The following MLIP variants were observed in gnomAD, a reference collection of about 807,000 sequenced individuals.
MLIP encodes muscular LMNA-interacting protein.
MLIP carries 79 observed loss-of-function variants against 84.8 expected under a neutral mutation model. That is an observed-to-expected ratio of 0.93 (90% confidence interval 0.78 to 1.12). The LOEUF (loss-of-function observed/expected upper bound fraction) is 1.12, where lower values mean the gene tolerates loss of function less well. MLIP is among the 50% of genes most tolerant of loss of function. MLIP has a pLI of 0.00. For synonymous variants in MLIP, 504 were observed against 463.0 expected, an observed-to-expected ratio of 1.09 and a Z score of -1.14; for missense variants, 1,257 against 1,160.6, an observed-to-expected ratio of 1.08 and a Z score of -1.21.
At chr6:54,063,179 A>G (rs1038455379) in intron 1 of MLIP, 2 of 151,612 alleles carry the variant, frequency 1.3e-5, no homozygotes, top group Admixed American at 1.3e-4. Context: ...TCCAGCCTGG[A>G]CAACAAGAAC....
At chr6:54,036,443 G>A (rs1275968547) in intron 1 of MLIP, among the ~76,000 whole-genome samples, 1 of 151,928 alleles carries the variant, frequency 6.6e-6, no homozygotes, top group African/African-American at 2.4e-5. Flanking sequence ...TTGTAGAGTA[G>A]TCTAAGCTGC....
At chr6:54,167,853 C>G (rs188317304) in intron 8 of MLIP, among the ~76,000 whole-genome samples, 1 of 151,784 alleles carries the variant, frequency 6.6e-6, no homozygotes, top group Non-Finnish European at 1.5e-5. Flanking sequence ...GTCACTCTTA[C>G]TCCTAGGGGC....
chr6:54,076,797 T>C (rs987673273), intron 1 of MLIP, among the ~76,000 whole-genome samples: 4 of 152,200 alleles, frequency 2.6e-5, no homozygotes, highest in African/African-American at 9.7e-5. Flanking sequence ...GACGGGTTGG[T>C]ATTGTTTCTA....
chr6:54,237,678 T>TAAAA (rs572232087), intron 12 of MLIP, among the ~76,000 whole-genome samples: 1 of 116,454 alleles, frequency 8.6e-6, no homozygotes, highest in African/African-American at 3.1e-5. Context: ...AGACTGTCTC[T>TAAAA]AAAAAAAAAA....
At chr6:54,207,949 C>A (rs145547257) in intron 11 of MLIP, among the ~76,000 whole-genome samples, 2 of 152,070 alleles carry the variant, frequency 1.3e-5, no homozygotes, top group Admixed American at 1.3e-4. Context: ...CACGGTGAAA[C>A]CCCGTCTCTA....
chr6:54,122,897 C>T (rs545098328), intron 2 of MLIP, among the ~76,000 whole-genome samples: 26 of 151,732 alleles, frequency 1.7e-4, no homozygotes, highest in Non-Finnish European at 3.5e-4. Context: ...TTAGACAGTT[C>T]AACATTAAAA....
intron 1 of MLIP, among the ~76,000 whole-genome samples, chr6:54,032,213 G>A (rs1358536910): frequency 3.3e-5 from 5 of 152,066 alleles, no homozygotes; most frequent in African/African-American, 1.2e-4. Flanking sequence ...TGAAAATTAA[G>A]TAATATAAAA....
At chr6:54,239,662 C>T (rs188899630) in intron 12 of MLIP, among the ~76,000 whole-genome samples, 47 of 151,366 alleles carry the variant, frequency 3.1e-4, no homozygotes, top group Middle Eastern at 3.4e-3. Flanking sequence ...TGACACATGC[C>T]TGTAGTCCCA....
chr6:54,093,514 C>A (rs1389616095), intron 1 of MLIP, among the ~76,000 whole-genome samples: 1 of 152,126 alleles, frequency 6.6e-6, no homozygotes, highest in African/African-American at 2.4e-5. Context: ...AATCCAGAGT[C>A]TGGCAACACA....
At chr6:54,216,624 A>T (rs1370452540) in intron 11 of MLIP, 1 of 971,896 alleles carries the variant, frequency 1.0e-6, no homozygotes. Flanking sequence ...TATATAGAGG[A>T]TTTCAAATAG....
At chr6:54,147,324 A>G (rs1181760305) in intron 4 of MLIP, among the ~76,000 whole-genome samples, 1 of 152,174 alleles carries the variant, frequency 6.6e-6, no homozygotes, top group Non-Finnish European at 1.5e-5. Context: ...GTAAAATTAA[A>G]TGAGTAATAG....
chr6:54,032,644 C>G (rs1468623198), intron 1 of MLIP, among the ~76,000 whole-genome samples: 3 of 152,170 alleles, frequency 2.0e-5, no homozygotes, highest in Admixed American at 6.5e-5. Context: ...ACCCCTGCCT[C>G]TTGGGTTTAA....
chr6:54,101,419 A>G, intron 1 of MLIP, among the ~76,000 whole-genome samples: 1 of 59,342 alleles, frequency 1.7e-5, no homozygotes, highest in East Asian at 3.9e-4. Context: ...TATGTCACTT[A>G]ATTTAATTTT....
intron 12 of MLIP, among the ~76,000 whole-genome samples, chr6:54,242,816 G>A (rs995957705): frequency 1.3e-5 from 2 of 152,280 alleles, no homozygotes; most frequent in East Asian, 1.9e-4. Flanking sequence ...TGAACATTAA[G>A]TGATTTGGTT....
In MLIP at chr6:54,160,271, G is replaced by C. The variant is rs1774479956; in HGVS notation, c.2290-96G>C. 3 of 915,996 alleles carry C rather than the reference G, an allele frequency of 3.3e-6. No individual in the cohort carries two copies. In the South Asian group the frequency reaches 4.8e-5, roughly 15 times the overall value. The allele number at this position is 915,996 out of a possible 1,614,324, so 56.7% of individuals were successfully genotyped here. ...AAATACTGTAAATATTTTTTTCTTG[G>C]AATATTAATACATACAAGGCTTTCT... On this transcript the variant is annotated intron_variant, in intron 5 of 13. Transcript: ENST00000502396.
At chr6:54,261,405 C>A (rs1333874527) in intron 13 of MLIP, among the ~76,000 whole-genome samples, 1 of 152,030 alleles carries the variant, frequency 6.6e-6, no homozygotes, top group Non-Finnish European at 1.5e-5. Flanking sequence ...TTGGTTCTGA[C>A]CTTTCAGGTT....
Position 54,238,009 on chromosome 6 carries a change from T to C in MLIP, c.2922+7092T>C, listed in dbSNP as rs192160780. ...TTTTAAAATTGTATCTAATCTACTA[T>C]AGTCATTTTGTCCATTTTTCCCCCA... On this transcript the variant is annotated intron_variant, in intron 12 of 13. Coordinates refer to ENST00000502396, the MANE Select transcript of MLIP (RefSeq NM_001281747.2). 1.0e-3 allele frequency among the ~76,000 whole-genome samples: 153 copies of C among 152,304 alleles called. 1 individual carries two copies. Among genetic ancestry groups the C allele is most frequent in the African/African-American group, 3.4e-3 (143 of 41,572 alleles).
intron 1 of MLIP, among the ~76,000 whole-genome samples, chr6:54,080,003 T>C (rs1226952666): frequency 2.0e-5 from 3 of 152,218 alleles, no homozygotes; most frequent in Non-Finnish European, 4.4e-5. Flanking sequence ...GAACTGAGTA[T>C]AGAATGCCAG....
At chr6:54,193,447 A>G (rs1778085096) in intron 10 of MLIP, among the ~76,000 whole-genome samples, 1 of 152,258 alleles carries the variant, frequency 6.6e-6, no homozygotes, top group African/African-American at 2.4e-5. Flanking sequence ...ACAGAAAAAG[A>G]AAGAAATGCT....
Sources: allele counts gnomAD v4.1 joint callset (sites outside exome capture counted in the v4.1 genomes callset), GRCh38; gene constraint gnomAD v4.1.1; transcripts MANE v1.5; gene names NCBI Gene and HGNC (gene_info 2026-07-23, HGNC 2026-07-21).